HYAL4: variants seen among roughly 807,000 people sequenced by gnomAD.
HYAL4 encodes the protein hyaluronidase-4.
A neutral mutation model predicts 35.2 loss-of-function variants in HYAL4; 37 were observed. The ratio of observed to expected loss-of-function variants is 1.05; its 90% CI spans 0.81 to 1.38. The LOEUF is 1.38. HYAL4 is among the 40% of genes most tolerant of loss of function. The probability of loss-of-function intolerance (pLI) is 0.00; values close to 1 mark genes in which losing one functional copy is unlikely to be tolerated. For synonymous variants in HYAL4, 198 were observed against 203.2 expected (o/e 0.97, Z 0.22); for missense variants, 572 against 572.4 (o/e 1.00, Z 0.01).
the HYAL4 span, among the ~76,000 whole-genome samples, chr7:123,817,510 C>CT: frequency 0.48 from 59,078 of 122,154 alleles, 15,736 homozygotes; most frequent in Non-Finnish European, 0.56. Context: ...CATTCTTCTT[C>CT]TTTTTTTTTT....
the HYAL4 span, among the ~76,000 whole-genome samples, chr7:123,807,229 G>A: frequency 6.6e-6 from 1 of 151,862 alleles, no homozygotes; most frequent in Admixed American, 6.6e-5. Flanking sequence ...TGAGCAAAAT[G>A]CTTTTTTGTA....
rs956435336 is a variant in HYAL4, at chr7:123,857,863, T to C, written c.-52+9705T>C. ...AACATCATCATTTATCCAGAAGGTGTACTTGAAGTGGAAAACTAGGCTCTT... is the reference window on the plus strand; with the variant it reads ...AACATCATCATTTATCCAGAAGGTGCACTTGAAGTGGAAAACTAGGCTCTT... On this transcript the variant is annotated intron_variant, in intron 2 of 4. Coordinates refer to ENST00000223026, the MANE Select transcript of HYAL4 (RefSeq NM_012269.3). Among the ~76,000 whole-genome samples, 3 of 152,222 alleles carry C rather than the reference T, an allele frequency of 2.0e-5. No individual in the cohort carries two copies. In the East Asian group the frequency reaches 5.8e-4, roughly 30 times the overall value.
the HYAL4 span, among the ~76,000 whole-genome samples, chr7:123,800,497 TAAAA>T: frequency 4.0e-5 from 6 of 148,328 alleles, no homozygotes; most frequent in African/African-American, 1.3e-4. Flanking sequence ...AAAAAAAAAT[TAAAA>T]AAAAAGAAGT....
the HYAL4 span, among the ~76,000 whole-genome samples, chr7:123,775,652 C>G: frequency 2.4e-4 from 36 of 152,266 alleles, no homozygotes; most frequent in African/African-American, 6.7e-4. Context: ...CTTGATGTAG[C>G]CTTCTTCATT....
the HYAL4 span, among the ~76,000 whole-genome samples, chr7:123,791,207 T>C: frequency 6.6e-6 from 1 of 152,362 alleles, no homozygotes; most frequent in African/African-American, 2.4e-5. Context: ...ACAGTGTTTT[T>C]CATAAAGCTG....
At chr7:123,876,547 C>T (rs1343844764) in intron 4 of HYAL4, among the ~76,000 whole-genome samples, 1 of 152,188 alleles carries the variant, frequency 6.6e-6, no homozygotes, top group Non-Finnish European at 1.5e-5. Flanking sequence ...TCAGACCTCT[C>T]CCCTTTCTGA....
chr7:123,778,159 G>GTCTGTCTATCTA, the HYAL4 span, among the ~76,000 whole-genome samples: 1,572 of 120,814 alleles, frequency 0.013, 17 homozygotes, highest in South Asian at 0.055. Context: ...CTGTCTGTCT[G>GTCTGTCTATCTA]TCTATCTATC....
chr7:123,869,114 C>T lies in HYAL4; in HGVS notation c.841C>T (p.Arg281Trp), dbSNP rs778623342. 1.5e-5 allele frequency: 25 copies of T among 1,614,132 alleles called. No individual in the cohort carries two copies. The East Asian group carries it at 2.7e-4, about 17-fold the overall frequency. Residue 281 changes from arginine (R) to tryptophan (W), a missense_variant, in exon 3 of 5, where the codon CGG becomes TGG. By Grantham distance (101) the Arg-to-Trp change is moderately radical. Coordinates refer to ENST00000223026, the MANE Select transcript of HYAL4 (RefSeq NM_012269.3). ...AAACATTTTGCGCTTCTCCAAATTT[C>T]GGGTGCATGAATCCATGAGGATCTC... ...SENILRFSKF[R>W]VHESMRISTM... is the part of the protein sequence containing the mutation.
At chr7:123,793,601 C>T in the HYAL4 span, among the ~76,000 whole-genome samples, 7 of 152,160 alleles carry the variant, frequency 4.6e-5, no homozygotes, top group African/African-American at 7.2e-5. Context: ...GCTTTATAAG[C>T]GACTTTCCCA....
At chr7:123,771,730 A>C in the HYAL4 span, among the ~76,000 whole-genome samples, 2,232 of 149,786 alleles carry the variant, frequency 0.015, 19 homozygotes, top group Non-Finnish European at 0.022. Flanking sequence ...TATTTCTGAG[A>C]GTGTCTGTGA....
the HYAL4 span, among the ~76,000 whole-genome samples, chr7:123,783,313 A>C: frequency 6.6e-6 from 1 of 152,162 alleles, no homozygotes; most frequent in East Asian, 1.9e-4. Flanking sequence ...TTTTTTCCCT[A>C]ATTTTTATTG....
the HYAL4 span, among the ~76,000 whole-genome samples, chr7:123,787,458 C>T: frequency 6.6e-6 from 1 of 152,174 alleles, no homozygotes; most frequent in Non-Finnish European, 1.5e-5. Context: ...GAAGTGTCCT[C>T]CTCCATGCTC....
At chr7:123,829,922 T>C (rs1805854963) in intron 1 of HYAL4, among the ~76,000 whole-genome samples, 2 of 152,044 alleles carry the variant, frequency 1.3e-5, no homozygotes, top group Admixed American at 1.3e-4. Context: ...AGGGGTAAAA[T>C]GATTAGGGAG....
At chr7:123,778,755 C>T in the HYAL4 span, among the ~76,000 whole-genome samples, 1 of 151,920 alleles carries the variant, frequency 6.6e-6, no homozygotes, top group Non-Finnish European at 1.5e-5. Flanking sequence ...TCAGGTTTTA[C>T]CTTTGTAATT....
the HYAL4 span, among the ~76,000 whole-genome samples, chr7:123,798,116 A>G: frequency 6.6e-6 from 1 of 152,176 alleles, no homozygotes; most frequent in African/African-American, 2.4e-5. Context: ...CAAATTGGCA[A>G]CTTTCTGTTA....
At chr7:123,834,796 A>G (rs1228577619) in intron 1 of HYAL4, among the ~76,000 whole-genome samples, 2 of 152,094 alleles carry the variant, frequency 1.3e-5, no homozygotes, top group African/African-American at 4.8e-5. Context: ...TAAAGGGACA[A>G]TGGATTTTGT....
chr7:123,857,666 TTTG>T (rs1806475164), intron 2 of HYAL4, among the ~76,000 whole-genome samples: 1 of 61,492 alleles, frequency 1.6e-5, no homozygotes, highest in African/African-American at 7.1e-5. Flanking sequence ...TCTTTCTTTG[TTTG>T]TTTCTTTCTT....
At chr7:123,818,725 T>G in the HYAL4 span, among the ~76,000 whole-genome samples, 1 of 152,174 alleles carries the variant, frequency 6.6e-6, no homozygotes, top group Non-Finnish European at 1.5e-5. Flanking sequence ...CCTTTTCCAA[T>G]TCTGGTATGG....
chr7:123,869,844 C>A (rs550476883), intron 3 of HYAL4, among the ~76,000 whole-genome samples: 59 of 148,482 alleles, frequency 4.0e-4, no homozygotes, highest in South Asian at 4.5e-4. Context: ...CTCACCCCCC[C>A]CCACCCAGCT....
Sources: gnomAD v4.1 joint callset for allele counts (sites outside exome capture counted in the v4.1 genomes callset) on GRCh38, gnomAD v4.1.1 for gene constraint, MANE v1.5 for transcripts, NCBI Gene and HGNC (gene_info 2026-07-23, HGNC 2026-07-21) for gene names.